Variants in PDE4D observed in about 807,000 individuals in gnomAD.
PDE4D encodes the protein phosphodiesterase 4D.
A neutral mutation model predicts 87.4 loss-of-function variants in PDE4D; 24 were observed. The observed-to-expected ratio is 0.27, with a 90% CI of 0.20 to 0.39. The LOEUF (loss-of-function observed/expected upper bound fraction) is 0.39, where lower values mean the gene tolerates loss of function less well. Among genes scored for constraint, PDE4D ranks in the 10% least tolerant of loss-of-function variants. The probability of loss-of-function intolerance (pLI) is 1.00; values close to 1 mark genes in which losing one functional copy is unlikely to be tolerated. For synonymous variants in PDE4D, 384 were observed against 383.2 expected, an observed-to-expected ratio of 1.00 and a Z score of -0.02; for missense variants, 714 against 1,041.0, an observed-to-expected ratio of 0.69 and a Z score of 4.32.
At chr5:59,411,282 A>T (rs978973703) in intron 1 of PDE4D, among the ~76,000 whole-genome samples, 2 of 152,178 alleles carry the variant, frequency 1.3e-5, no homozygotes, top group Non-Finnish European at 1.5e-5. Flanking sequence ...TCCATTTCCT[A>T]AATTGGTCCT....
At chr5:59,273,310 T>A (rs1764198226) in intron 1 of PDE4D, among the ~76,000 whole-genome samples, 1 of 152,096 alleles carries the variant, frequency 6.6e-6, no homozygotes, top group African/African-American at 2.4e-5. Flanking sequence ...TTGGGTTTTT[T>A]TAATGCTCAA....
chr5:59,570,038 G>A (rs1821565556), intron 1 of PDE4D, among the ~76,000 whole-genome samples: 1 of 152,192 alleles, frequency 6.6e-6, no homozygotes, highest in South Asian at 2.1e-4. Context: ...TACCGTGAAT[G>A]AGGTTAGCAC....
chr5:59,992,402 AC>A (rs1252194541), intron 2 of PDE4D, among the ~76,000 whole-genome samples: 3 of 152,044 alleles, frequency 2.0e-5, no homozygotes, highest in African/African-American at 7.2e-5. Flanking sequence ...GTGAGTCAAT[AC>A]TCCTTAACAA....
intron 2 of PDE4D, among the ~76,000 whole-genome samples, chr5:60,127,896 G>C (rs1779248992): frequency 6.6e-6 from 1 of 152,078 alleles, no homozygotes; most frequent in South Asian, 2.1e-4. Flanking sequence ...ATAAAAAGGA[G>C]GACCACGCCT....
chr5:59,880,262 A>T (rs1464177471), intron 1 of PDE4D, among the ~76,000 whole-genome samples: 1 of 151,960 alleles, frequency 6.6e-6, no homozygotes, highest in Non-Finnish European at 1.5e-5. Context: ...GGTGCACGCC[A>T]CCACACCCAG....
In PDE4D at chr5:59,478,642, ACACTAAAT is replaced by A. The variant is rs1427124215; in HGVS notation, c.456-262682_456-262675del. On this transcript the variant is annotated intron_variant, in intron 1 of 14. Transcript: ENST00000340635. ...ACAGTTCATCAATTACATACCACAG[ACACTAAAT>A]CTACAGTTTTTGTGTATGTGTGCAT... Among the ~76,000 whole-genome samples the A allele has an allele frequency of 5.9e-5, 9 of 152,072 alleles. 1 individual carries two copies. Among genetic ancestry groups the A allele is most frequent in the Non-Finnish European group, 1.3e-4 (9 of 67,976 alleles).
intron 1 of PDE4D, among the ~76,000 whole-genome samples, chr5:59,269,414 GTGA>G (rs1763394351): frequency 6.6e-6 from 1 of 152,104 alleles, no homozygotes. Flanking sequence ...TAACTCTTCT[GTGA>G]TATCTCAGAA....
At chr5:60,318,196 A>C (rs1159012304) in intron 1 of PDE4D, among the ~76,000 whole-genome samples, 2 of 152,228 alleles carry the variant, frequency 1.3e-5, no homozygotes, top group African/African-American at 2.4e-5. Flanking sequence ...TATTTAGGAT[A>C]GTTAGCTCTT....
At chr5:58,992,402 C>T (rs1012526234) in intron 7 of PDE4D, among the ~76,000 whole-genome samples, 1 of 152,116 alleles carries the variant, frequency 6.6e-6, no homozygotes, top group Admixed American at 6.6e-5. Flanking sequence ...CTAAGGACTA[C>T]AGTTTCAATA....
At chr5:60,334,189 C>T (rs1757548860) in intron 1 of PDE4D, among the ~76,000 whole-genome samples, 1 of 152,098 alleles carries the variant, frequency 6.6e-6, no homozygotes, top group Admixed American at 6.5e-5. Context: ...TTCTTGAAGA[C>T]CTGGTTATGT....
At chr5:58,986,037 C>T (rs959156086) in intron 11 of PDE4D, among the ~76,000 whole-genome samples, 5 of 152,216 alleles carry the variant, frequency 3.3e-5, no homozygotes, top group African/African-American at 1.2e-4. Flanking sequence ...CTCATCACAC[C>T]TCATCGTCAA....
At chr5:59,028,505 C>T (rs551951976) in intron 6 of PDE4D, among the ~76,000 whole-genome samples, 104 of 150,012 alleles carry the variant, frequency 6.9e-4, no homozygotes, top group African/African-American at 2.3e-3. Flanking sequence ...GAGACAATTC[C>T]CATCTTTTAA....
rs140217862 is a variant in PDE4D, at chr5:59,973,606, G to A, written c.272+14882C>T. Among the ~76,000 whole-genome samples, 392 of 152,144 alleles carry A rather than the reference G, an allele frequency of 2.6e-3. 3 individuals are homozygous for A. Among genetic ancestry groups the A allele is most frequent in the African/African-American group, 8.6e-3 (355 of 41,516 alleles). The stretch of plus-strand genomic sequence containing the variant: ...AGTGGATATTGAACAGAACATACCA[G>A]AATTTATAAGCCAAAATAAGAAGAT... On this transcript the variant is annotated intron_variant, in intron 3 of 16. Transcript: ENST00000502484.
At chr5:59,404,959 G>C (rs1197809660) in intron 1 of PDE4D, among the ~76,000 whole-genome samples, 2 of 152,182 alleles carry the variant, frequency 1.3e-5, no homozygotes, top group Non-Finnish European at 2.9e-5. Flanking sequence ...TTTCATGCCA[G>C]AACCATCCTG....
At chr5:60,307,820 G>C (rs1344950089) in intron 1 of PDE4D, among the ~76,000 whole-genome samples, 1 of 152,052 alleles carries the variant, frequency 6.6e-6, no homozygotes. Context: ...AAAGCATAGA[G>C]AGTGACAGCC....
intron 1 of PDE4D, among the ~76,000 whole-genome samples, chr5:59,728,378 T>C (rs1426789432): frequency 6.6e-6 from 1 of 152,144 alleles, no homozygotes; most frequent in East Asian, 1.9e-4. Context: ...AAAAATCAAG[T>C]CAAATCTTTG....
intron 1 of PDE4D, among the ~76,000 whole-genome samples, chr5:59,518,486 G>A (rs971419091): frequency 6.6e-6 from 1 of 152,096 alleles, no homozygotes; most frequent in Non-Finnish European, 1.5e-5. Flanking sequence ...GGCAGGACAT[G>A]AGCACTCACA....
intron 1 of PDE4D, among the ~76,000 whole-genome samples, chr5:59,890,242 G>A (rs1252162087): frequency 7.0e-6 from 1 of 142,984 alleles, no homozygotes; most frequent in Non-Finnish European, 1.5e-5. Context: ...TGGTAAGATG[G>A]TGGTGCGCAC....
chr5:59,781,552 C>A (rs983490121), intron 1 of PDE4D, among the ~76,000 whole-genome samples: 2 of 151,904 alleles, frequency 1.3e-5, no homozygotes, highest in African/African-American at 4.8e-5. Context: ...CTTTGGGAGG[C>A]CAAGGCAGGT....
Sources: allele counts gnomAD v4.1 joint callset (sites outside exome capture counted in the v4.1 genomes callset), GRCh38; gene constraint gnomAD v4.1.1; transcripts MANE v1.5; gene names NCBI Gene and HGNC (gene_info 2026-07-23, HGNC 2026-07-21).